The following DAAM2 variants were observed in gnomAD, a reference collection of about 807,000 sequenced individuals.
DAAM2 encodes disheveled-associated activator of morphogenesis 2.
Under a neutral mutation model 120.7 loss-of-function variants are expected in DAAM2, and 39 were observed. The observed-to-expected ratio is 0.32, with a 90% CI of 0.25 to 0.42. The LOEUF (loss-of-function observed/expected upper bound fraction) is 0.42, where lower values mean the gene tolerates loss of function less well. DAAM2 is among the 10% of genes least tolerant of loss of function. DAAM2 has a pLI of 1.00. For missense variants in DAAM2, 1,283 were observed against 1,401.7 expected (o/e 0.92, Z 1.35); for synonymous variants, 488 against 524.9 (o/e 0.93, Z 0.96).
At chr6:39,847,378 T>C (rs932553438) in intron 1 of DAAM2, among the ~76,000 whole-genome samples, 2 of 152,068 alleles carry the variant, frequency 1.3e-5, no homozygotes, top group Non-Finnish European at 2.9e-5. Context: ...CCCTGCGCCT[T>C]TCAGTAACAG....
At chr6:39,804,394 G>A (rs1396877131) in intron 1 of DAAM2, among the ~76,000 whole-genome samples, 1 of 152,196 alleles carries the variant, frequency 6.6e-6, no homozygotes, top group Non-Finnish European at 1.5e-5. Context: ...TTATCCCTGT[G>A]TGTATTCATT....
chr6:39,821,590 G>C (rs1762488778), intron 1 of DAAM2: 1 of 152,314 alleles, frequency 6.6e-6, no homozygotes, highest in African/African-American at 2.4e-5. Context: ...AGAAGGAGGA[G>C]ACAGAGGTGG....
At chr6:39,892,361 T>A (rs1421278008) in intron 19 of DAAM2, among the ~76,000 whole-genome samples, 1 of 152,200 alleles carries the variant, frequency 6.6e-6, no homozygotes, top group African/African-American at 2.4e-5. Flanking sequence ...CATTCTCTCC[T>A]TTCTAAAGTA....
intron 1 of DAAM2, among the ~76,000 whole-genome samples, chr6:39,829,581 T>C (rs905036971): frequency 6.6e-6 from 1 of 152,158 alleles, no homozygotes; most frequent in Non-Finnish European, 1.5e-5. Flanking sequence ...AATTGGGCAA[T>C]AGAAATTTAT....
chr6:39,856,578 A>C, intron 2 of DAAM2, 108 bp downstream of exon 2: 1 of 912,220 alleles, frequency 1.1e-6, no homozygotes, highest in Non-Finnish European at 1.5e-6. Context: ...ATCTCTCAAA[A>C]CTCCTCTTGG....
chr6:39,864,626 C>A, intron 4 of DAAM2, 119 bp downstream of exon 4: 1 of 765,722 alleles, frequency 1.3e-6, no homozygotes, highest in Non-Finnish European at 2.1e-6. Context: ...CAGCGCCCCA[C>A]TGCCCACTCA....
chr6:39,827,743 C>CT (rs752288102), intron 1 of DAAM2, among the ~76,000 whole-genome samples: 2 of 152,172 alleles, frequency 1.3e-5, no homozygotes, highest in Non-Finnish European at 2.9e-5. Flanking sequence ...AATGAACTCT[C>CT]TTAATGGACC....
At chr6:39,833,490 TAG>T (rs775693809) in intron 1 of DAAM2, among the ~76,000 whole-genome samples, 10 of 152,260 alleles carry the variant, frequency 6.6e-5, no homozygotes, top group Middle Eastern at 3.4e-3. Flanking sequence ...ATATTTTTAT[TAG>T]AGACAGAGTT....
Position 39,901,993 on chromosome 6 carries a change from C to G in DAAM2, c.3163C>G (p.Leu1055Val). The change falls in exon 25 of 25, where the codon CTG (leucine) becomes GTG (valine). Residue 1055 changes from leucine (L) to valine (V), a missense_variant. Around this residue, in one of 3 missense-constraint regions of DAAM2, gnomAD observed 748 missense variants for 768.6 expected, o/e 0.97. Transcript: ENST00000274867. The surrounding 1 kb of genome is among the most constrained non-coding windows in gnomAD (Gnocchi z 4.5). ...RSRKRSGSQALEVTRERAINR... is the reference protein window; with the variant it reads ...RSRKRSGSQAVEVTRERAINR... ...CCGCAAGCGATCAGGGAGCCAGGCC[C>G]TGGAAGTTACCCGGGAGCGGGCAAT... 1 of 1,611,708 alleles carries G rather than the reference C, an allele frequency of 6.2e-7. No individual in the cohort carries two copies. The highest frequency in any genetic ancestry group is 8.5e-7 in the Non-Finnish European group (1 of 1,178,290).
In DAAM2 at chr6:39,904,845, A is replaced by G. The variant is rs1238241662; in HGVS notation, c.*2808A>G. On this transcript the variant is annotated 3_prime_UTR_variant, in exon 25 of 25. Coordinates refer to ENST00000274867, the MANE Select transcript of DAAM2 (RefSeq NM_001201427.2). ...AGAATATATTGTAATACTAAAAAAT[A>G]TTAAATTCATACCATCCCTACCCAG... 1 of 454,120 alleles carries G rather than the reference A, an allele frequency of 2.2e-6. No individual in the cohort carries two copies. Among genetic ancestry groups the G allele is most frequent in the Admixed American group, 2.3e-5 (1 of 42,578 alleles). The allele number at this position is 454,120 out of a possible 1,614,324, so 28.1% of individuals were successfully genotyped here.
At chr6:39,842,371 C>T (rs187137512) in intron 1 of DAAM2, among the ~76,000 whole-genome samples, 16 of 152,262 alleles carry the variant, frequency 1.1e-4, no homozygotes, top group African/African-American at 2.2e-4. Flanking sequence ...ATGGCTCATG[C>T]GTGTAATCCC....
In DAAM2 at chr6:39,856,344, G is replaced by A. The variant is rs1764001600; in HGVS notation, c.42G>A (p.Leu14=). ...RKRSHHGLGF[L]CCFGGSDIPE... ...GGAGCCACCATGGCCTGGGCTTCCT[G>A]TGCTGCTTCGGGGGCAGTGACATCC... The change falls in exon 2 of 25, where the codon CTG becomes CTA. Residue 14 remains leucine (L), a synonymous_variant. Coordinates refer to ENST00000274867, the MANE Select transcript of DAAM2 (RefSeq NM_001201427.2). The A allele has an allele frequency of 1.3e-6, 2 of 1,553,756 alleles. No individual in the cohort carries two copies. The highest frequency in any genetic ancestry group is 1.9e-5 in the Admixed American group (1 of 51,910).
At chr6:39,831,999 G>A (rs1762928954) in intron 1 of DAAM2, among the ~76,000 whole-genome samples, 1 of 144,020 alleles carries the variant, frequency 6.9e-6, no homozygotes, top group South Asian at 2.3e-4. Flanking sequence ...AGGTGCACTG[G>A]GGAGGCAGGT....
Position 39,900,225 on chromosome 6 carries a change from C to T in DAAM2, c.2811+17C>T. On this transcript the variant is annotated intron_variant, in intron 23 of 24. Coordinates refer to ENST00000274867, the MANE Select transcript of DAAM2 (RefSeq NM_001201427.2). ...AGGGACAAGGTAAGGGTGCCCCAAC[C>T]CCCACTGCTTGCCAACCCAGCCTTA... The T allele has an allele frequency of 6.2e-7, 1 of 1,607,402 alleles. No homozygotes were observed. The highest frequency in any genetic ancestry group is 8.5e-7 in the Non-Finnish European group (1 of 1,177,106).
intron 1 of DAAM2, among the ~76,000 whole-genome samples, chr6:39,830,268 G>A (rs996408345): frequency 1.3e-4 from 20 of 152,150 alleles, no homozygotes; most frequent in South Asian, 2.1e-4. Context: ...TTCTGGGTCC[G>A]TCATGGAGAG....
rs1256001055 is a variant in DAAM2 at position 39,867,849 on chromosome 6, G to A, written c.762+6G>A. ...CAGAGCGAACCCGCTTCCAGGTGAG[G>A]GGCCAGGCTGGAGGTGGGATGCCAG... is the stretch of plus-strand genomic sequence containing the variant. On this transcript the variant is annotated splice_donor_region_variant and intron_variant, in intron 6 of 24. Coordinates refer to ENST00000274867, the MANE Select transcript of DAAM2 (RefSeq NM_001201427.2). The A allele has an allele frequency of 1.3e-6, 2 of 1,562,942 alleles. No homozygotes were observed. The highest frequency in any genetic ancestry group is 1.7e-6 in the Non-Finnish European group (2 of 1,155,946).
At chr6:39,855,774 T>C (rs925138148) in intron 1 of DAAM2, among the ~76,000 whole-genome samples, 2 of 152,210 alleles carry the variant, frequency 1.3e-5, no homozygotes, top group Non-Finnish European at 2.9e-5. Context: ...CTGCCAGCCT[T>C]CTTCAACTCT....
intron 1 of DAAM2, chr6:39,818,755 T>C (rs1408623144): frequency 1.3e-5 from 2 of 152,252 alleles, no homozygotes; most frequent in African/African-American, 2.4e-5. Flanking sequence ...CTCCTTTTAG[T>C]ATAAATTCTT....
chr6:39,810,783 A>G (rs1023656378), intron 1 of DAAM2, among the ~76,000 whole-genome samples: 7 of 152,100 alleles, frequency 4.6e-5, no homozygotes, highest in Non-Finnish European at 8.8e-5. Flanking sequence ...TATTTCCTTC[A>G]TTCCCTTTCT....
Sources: gnomAD v4.1 joint callset for allele counts (sites outside exome capture counted in the v4.1 genomes callset) on GRCh38, gnomAD v4.1.1 for gene constraint, gnomAD v4.1.1 regional missense constraint, Gnocchi (gnomAD v3.1) non-coding constraint, MANE v1.5 for transcripts, NCBI Gene and HGNC (gene_info 2026-07-23, HGNC 2026-07-21) for gene names.